MAP3K7: variants seen among roughly 807,000 people sequenced by gnomAD.
The protein encoded by MAP3K7 is mitogen-activated protein kinase kinase kinase 7, also known as TGF-beta activated kinase 1.
A neutral mutation model predicts 84.8 loss-of-function variants in MAP3K7; 21 were observed. The ratio of observed to expected loss-of-function variants is 0.25; its 90% CI spans 0.18 to 0.36. The LOEUF is 0.36. Among genes scored for constraint, MAP3K7 ranks in the 10% least tolerant of loss-of-function variants. The pLI, the probability that MAP3K7 is intolerant of heterozygous loss-of-function variation, is 1.00. For missense variants in MAP3K7, 503 were observed against 747.7 expected, an observed-to-expected ratio of 0.67 and a Z score of 3.82; for synonymous variants, 241 against 247.7, an observed-to-expected ratio of 0.97 and a Z score of 0.25.
chr6:90,527,830 CAAAGGACACAG>C (rs1196668545), intron 13 of MAP3K7, among the ~76,000 whole-genome samples: 2 of 149,460 alleles, frequency 1.3e-5, no homozygotes, highest in Non-Finnish European at 3.0e-5. Context: ...TAAAGCCTTT[CAAAGGACACAG>C]AAACTAAAAT....
In MAP3K7 at chr6:90,548,175, A is replaced by G. The variant is rs1471178063; in HGVS notation, c.952T>C (p.Ser318Pro). ...TTTGTAGAAGCAATGTCCATGAATG[A>G]GCCTAGGAAAAGCAGAAACATTTAT... is the stretch of plus-strand genomic sequence containing the variant. ...GQSNSATSTG[S>P]FMDIASTNTS... Residue 318 changes from serine to proline, a missense_variant and splice_region_variant, in exon 10 of 17, where the codon TCA becomes CCA. Physicochemically the swap from Ser to Pro is moderately conservative, Grantham distance 74. Transcript: ENST00000369329. The G allele has an allele frequency of 3.0e-5, 48 of 1,605,392 alleles. No homozygotes were observed. Among genetic ancestry groups the G allele is most frequent in the Non-Finnish European group, 4.0e-5 (47 of 1,176,728 alleles).
chr6:90,568,682 A>G, intron 2 of MAP3K7, 59 bp from the exon 3 acceptor site: 14 of 1,235,928 alleles, frequency 1.1e-5, no homozygotes, highest in Non-Finnish European at 1.6e-5. Context: ...CTGATTTCAC[A>G]GTATCATTAA....
intron 2 of MAP3K7, among the ~76,000 whole-genome samples, chr6:90,570,813 T>C (rs1776877137): frequency 6.6e-6 from 1 of 152,200 alleles, no homozygotes; most frequent in Non-Finnish European, 1.5e-5. Context: ...GATCAATAGC[T>C]TTATCTAAAC....
At chr6:90,557,410 T>C (rs1776371258) in intron 5 of MAP3K7, among the ~76,000 whole-genome samples, 1 of 152,196 alleles carries the variant, frequency 6.6e-6, no homozygotes, top group Non-Finnish European at 1.5e-5. Flanking sequence ...TTTTTACATC[T>C]GGAGAGACTA....
chr6:90,583,977 T>C (rs1777362404), intron 1 of MAP3K7, among the ~76,000 whole-genome samples: 2 of 152,232 alleles, frequency 1.3e-5, no homozygotes, highest in African/African-American at 2.4e-5. Context: ...ATATTAGAAA[T>C]GCAAGATCAG....
intron 13 of MAP3K7, among the ~76,000 whole-genome samples, chr6:90,528,277 TTAAAA>T (rs1167540152): frequency 6.6e-6 from 1 of 152,194 alleles, no homozygotes; most frequent in African/African-American, 2.4e-5. Flanking sequence ...AAAATAAAAC[TTAAAA>T]TAAATTCATG....
At chr6:90,519,376 A>T in intron 14 of MAP3K7, 57 bp from the exon 15 acceptor site, 1 of 1,115,524 alleles carries the variant, frequency 9.0e-7, no homozygotes, top group Non-Finnish European at 1.3e-6. Flanking sequence ...ATAAACGAAC[A>T]GCAAGAAAGC....
intron 1 of MAP3K7, among the ~76,000 whole-genome samples, chr6:90,585,267 T>C (rs1033372174): frequency 2.0e-5 from 3 of 151,950 alleles, no homozygotes; most frequent in African/African-American, 4.8e-5. Flanking sequence ...CACCATATTA[T>C]CTTGTAAAAT....
chr6:90,558,623 T>C (rs967400661), intron 5 of MAP3K7, among the ~76,000 whole-genome samples: 4 of 152,186 alleles, frequency 2.6e-5, no homozygotes, highest in African/African-American at 9.6e-5. Flanking sequence ...CAAATGATTT[T>C]AGAAGGATAT....
At chr6:90,519,462 C>A in intron 14 of MAP3K7, 143 bp from the exon 15 acceptor site, 1 of 613,028 alleles carries the variant, frequency 1.6e-6, no homozygotes, top group Non-Finnish European at 2.8e-6. Context: ...ATTGAAGAGT[C>A]TATTTCTGAA....
chr6:90,585,090 T>A (rs1777399914), intron 1 of MAP3K7, among the ~76,000 whole-genome samples: 1 of 152,174 alleles, frequency 6.6e-6, no homozygotes, highest in African/African-American at 2.4e-5. Flanking sequence ...GCATATAATG[T>A]CTACTAAGAT....
At chr6:90,547,705 C>A (rs569190412) in intron 10 of MAP3K7, among the ~76,000 whole-genome samples, 1 of 152,250 alleles carries the variant, frequency 6.6e-6, no homozygotes, top group East Asian at 1.9e-4. Flanking sequence ...TATAATAAAT[C>A]TGAACAGCAT....
chr6:90,539,362 G>A (rs1775782429), intron 12 of MAP3K7, among the ~76,000 whole-genome samples: 1 of 151,788 alleles, frequency 6.6e-6, no homozygotes, highest in Admixed American at 6.6e-5. Context: ...TATTTAATAT[G>A]CCACAAATAG....
At chr6:90,559,299 T>C (rs1776432398) in intron 5 of MAP3K7, among the ~76,000 whole-genome samples, 1 of 151,902 alleles carries the variant, frequency 6.6e-6, no homozygotes, top group African/African-American at 2.4e-5. Flanking sequence ...TTAACCAGTA[T>C]CAAGAGAATG....
At chr6:90,540,018 G>A (rs975001300) in intron 12 of MAP3K7, among the ~76,000 whole-genome samples, 2 of 151,794 alleles carry the variant, frequency 1.3e-5, no homozygotes, top group African/African-American at 2.4e-5. Flanking sequence ...ATCTAAATGC[G>A]GCTGAAATCA....
intron 13 of MAP3K7, among the ~76,000 whole-genome samples, chr6:90,535,100 TA>T (rs1316009396): frequency 7.1e-6 from 1 of 141,266 alleles, no homozygotes; most frequent in African/African-American, 2.5e-5. Context: ...TGTGTCTATA[TA>T]GATTTTATTT....
rs748605104 is a variant in MAP3K7 at position 90,547,273 on chromosome 6, T to C, written c.1195A>G (p.Ile399Val). 8.7e-6 allele frequency: 14 copies of C among 1,613,594 alleles called. No homozygotes were observed. The South Asian group carries it at 1.4e-4, about 16-fold the overall frequency. Residue 399 changes from isoleucine (I) to valine (V), a missense_variant, in exon 11 of 17, where the codon ATC (isoleucine) becomes GTC (valine). Around this residue, in one of 5 missense-constraint regions of MAP3K7, gnomAD observed 286 missense variants for 313.6 expected, o/e 0.91. Coordinates refer to ENST00000369329, the MANE Select transcript of MAP3K7 (RefSeq NM_145331.3). ...TCCTTTTTACCTGTGGTTGCGGCGA[T>C]CCTAGCTTCTATTTCAGACATGTCA... Reference protein sequence around the residue: ...SADMSEIEARIAATTAYSKPK... With the variant: ...SADMSEIEARVAATTAYSKPK...
chr6:90,522,598 A>C (rs947727639), intron 14 of MAP3K7, among the ~76,000 whole-genome samples: 2 of 152,156 alleles, frequency 1.3e-5, no homozygotes, highest in Admixed American at 6.6e-5. Context: ...GGACAGTCCT[A>C]GGTTGGGCTG....
chr6:90,576,419 TCACACACACACA>T (rs11468988), intron 1 of MAP3K7, among the ~76,000 whole-genome samples: 1,400 of 136,938 alleles, frequency 0.01, 13 homozygotes, highest in Non-Finnish European at 0.011. Context: ...CTAGACTCTG[TCACACACACACA>T]CACACACACA....
Sources: gnomAD v4.1 joint callset for allele counts (sites outside exome capture counted in the v4.1 genomes callset) on GRCh38, gnomAD v4.1.1 for gene constraint, gnomAD v4.1.1 regional missense constraint, MANE v1.5 for transcripts, NCBI Gene and HGNC (gene_info 2026-07-23, HGNC 2026-07-21) for gene names.